The following STX1A variants were observed in gnomAD, a reference collection of about 807,000 sequenced individuals.
STX1A encodes the protein syntaxin 1A, also known as syntaxin-1A.
STX1A carries 4 observed loss-of-function variants against 37.8 expected under a neutral mutation model. That is an observed-to-expected ratio of 0.11 (90% CI 0.05 to 0.24). The LOEUF (loss-of-function observed/expected upper bound fraction) is 0.24, where lower values mean the gene tolerates loss of function less well. Ranked by LOEUF, STX1A falls within the 10% of genes least tolerant of loss-of-function variation. The pLI is 1.00. For missense variants in STX1A, 251 were observed against 399.9 expected (o/e 0.63, Z 3.18); for synonymous variants, 135 against 147.4 (o/e 0.92, Z 0.61).
chr7:73,719,610 G>C lies in STX1A; in HGVS notation c.22C>G (p.Leu8Val). 1 of 1,206,104 alleles carries C rather than the reference G, an allele frequency of 8.3e-7. No homozygotes were observed. The highest frequency in any genetic ancestry group is 1.0e-6 in the Non-Finnish European group (1 of 966,150). The allele number at this position is 1,206,104 out of a possible 1,614,324, so 74.7% of individuals were successfully genotyped here. The change falls in exon 1 of 10, where the codon CTC becomes GTC. Residue 8 changes from leucine (L) to valine (V), a missense_variant. By Grantham distance (32) the Leu-to-Val change is conservative. Transcript: ENST00000222812. Reference sequence around the variant, plus strand: ...GCTGGGGCCGGACTCACCGTGCGGAGCTCCTGGGTTCGGTCCTTCATGCTC... The same window carrying C: ...GCTGGGGCCGGACTCACCGTGCGGACCTCCTGGGTTCGGTCCTTCATGCTC... Reference protein sequence around the residue: MKDRTQELRTAKDSDDDD... With the variant: MKDRTQEVRTAKDSDDDD...
chr7:73,703,472 A>G (rs782010898), intron 7 of STX1A: 58 of 658,684 alleles, frequency 8.8e-5, no homozygotes, highest in South Asian at 8.7e-4. Flanking sequence ...AATGTCCTCC[A>G]GGAGAGGAAA....
At chr7:73,718,681 T>C (rs1346550899) in intron 1 of STX1A, among the ~76,000 whole-genome samples, 1 of 151,712 alleles carries the variant, frequency 6.6e-6, no homozygotes, top group African/African-American at 2.4e-5. Flanking sequence ...CCGGTCACCA[T>C]CCTCCTGGGC....
chr7:73,703,358 CCT>C (rs1189465464), intron 7 of STX1A: 5 of 568,922 alleles, frequency 8.8e-6, no homozygotes, highest in South Asian at 3.1e-5. Flanking sequence ...CTGCTCCTCC[CCT>C]CTCTCCTGGA....
chr7:73,704,514 C>G (rs966792516), intron 4 of STX1A, 91 bp from the exon 5 acceptor site: 10 of 1,492,234 alleles, frequency 6.7e-6, no homozygotes, highest in Admixed American at 5.4e-5. Flanking sequence ...CTTCCCACAT[C>G]CCCTAGGGTA....
intron 5 of STX1A, 47 bp from the exon 6 acceptor site, chr7:73,704,303 G>A: frequency 6.2e-7 from 1 of 1,613,756 alleles, no homozygotes; most frequent in Non-Finnish European, 8.5e-7. Context: ...TGCGGGGACC[G>A]ACCCAGAGAC....
chr7:73,708,209 A>T (rs1289652767), intron 3 of STX1A, among the ~76,000 whole-genome samples: 1 of 144,772 alleles, frequency 6.9e-6, no homozygotes, highest in African/African-American at 2.5e-5. Flanking sequence ...GGTGGCAGTG[A>T]GCTGAGATTG....
In STX1A at chr7:73,717,579, G is replaced by GACCCCACCTCACCTCA. The variant is rs1584260026; in HGVS notation, c.30+2022_30+2023insTGAGGTGAGGTGGGGT. On this transcript the variant is annotated intron_variant, in intron 1 of 9. Transcript: ENST00000222812. The surrounding 1 kb of genome is among the most constrained non-coding windows in gnomAD (Gnocchi z 4.1). Reference sequence around the variant, plus strand: ...GACTGTCTCACCCCACCCCGGGTGGGCTCCTGCCTGCCAGCCGTCCACCTG... The same window carrying GACCCCACCTCACCTCA: ...GACTGTCTCACCCCACCCCGGGTGGGACCCCACCTCACCTCACTCCTGCCTGCCAGCCGTCCACCTG... Among the ~76,000 whole-genome samples, 7 of 152,160 alleles carry GACCCCACCTCACCTCA rather than the reference G, an allele frequency of 4.6e-5. No homozygotes were observed. Among genetic ancestry groups the GACCCCACCTCACCTCA allele is most frequent in the East Asian group, 3.9e-4 (2 of 5,158 alleles).
At position 73,705,672 on chromosome 7, in the gene STX1A, A is replaced by C; in HGVS notation, c.209-448T>G. On this transcript the variant is annotated intron_variant, in intron 3 of 9. Transcript: ENST00000222812. This position sits in a 1 kb window ranked among gnomAD's most constrained non-coding sequence, Gnocchi z 5.2. ...CCAGGCAGGGGGTTGACAGGGGACCACCCCACACTCCCTGAGTCATATGCG... is the reference window on the plus strand; with the variant it reads ...CCAGGCAGGGGGTTGACAGGGGACCCCCCCACACTCCCTGAGTCATATGCG... The C allele has an allele frequency of 1.0e-5, 2 of 194,120 alleles. No homozygotes were observed. The highest frequency in any genetic ancestry group is 9.3e-5 in the South Asian group (1 of 10,798). 12.0% of individuals were successfully genotyped at this position (194,120 alleles called of 1,614,324 possible).
intron 1 of STX1A, chr7:73,711,302 G>T (rs1347891579): frequency 1.3e-5 from 2 of 152,572 alleles, no homozygotes; most frequent in Admixed American, 6.6e-5. Context: ...CCGCCACCAT[G>T]CCCGGCCTGA....
In STX1A at chr7:73,706,090, G is replaced by A. The variant is rs1462698167; in HGVS notation, c.209-866C>T. Among the ~76,000 whole-genome samples the A allele has an allele frequency of 2.0e-5, 3 of 152,146 alleles. 1 individual carries two copies. The highest frequency in any genetic ancestry group is 4.4e-5 in the Non-Finnish European group (3 of 68,004). ...GGACACCCCCAGGACTCTGCCCCGA[G>A]AGAAGCCGGGACTGAGCTCTGGCTA... On this transcript the variant is annotated intron_variant, in intron 3 of 9. Transcript: ENST00000222812. This position sits in a 1 kb window ranked among gnomAD's most constrained non-coding sequence, Gnocchi z 4.6.
rs1554615979 is a variant in STX1A, at chr7:73,702,122, T to C, written c.678+723A>G. ...CTGGGTCTTGCTGGGCTTGGGACCT[T>C]AGTGTTGCTGGGGCCAGCTCTTCAT... On this transcript the variant is annotated intron_variant, in intron 8 of 9. Coordinates refer to ENST00000222812, the MANE Select transcript of STX1A (RefSeq NM_004603.4). The surrounding 1 kb of genome is among the most constrained non-coding windows in gnomAD (Gnocchi z 4.7). Among the ~76,000 whole-genome samples the C allele has an allele frequency of 6.6e-6, 1 of 152,166 alleles. No individual in the cohort carries two copies. Among genetic ancestry groups the C allele is most frequent in the East Asian group, 1.9e-4 (1 of 5,188 alleles).
chr7:73,708,123 G>T (rs57138968), intron 3 of STX1A, among the ~76,000 whole-genome samples: 1,904 of 151,374 alleles, frequency 0.013, 40 homozygotes, highest in African/African-American at 0.045. Flanking sequence ...AATTAGCCGG[G>T]CATGGTGGCG....
chr7:73,701,726 T>C (rs1554615934), intron 8 of STX1A, among the ~76,000 whole-genome samples: 1 of 152,124 alleles, frequency 6.6e-6, no homozygotes, highest in Non-Finnish European at 1.5e-5. Flanking sequence ...TCTCACCAGA[T>C]GGCGGCAGCG....
Position 73,706,249 on chromosome 7 carries a change from G to A in STX1A, c.209-1025C>T, listed in dbSNP as rs1554616926. On this transcript the variant is annotated intron_variant, in intron 3 of 9. Coordinates refer to ENST00000222812, the MANE Select transcript of STX1A (RefSeq NM_004603.4). The surrounding 1 kb of genome is among the most constrained non-coding windows in gnomAD (Gnocchi z 4.6). ...CCTCCCAAGTGGAATGCAGTGAGGTGGAGCGGGGAAGGGGGGGTTCCGAGG... is the reference window on the plus strand; with the variant it reads ...CCTCCCAAGTGGAATGCAGTGAGGTAGAGCGGGGAAGGGGGGGTTCCGAGG... 6.6e-6 allele frequency among the ~76,000 whole-genome samples: 1 copy of A among 152,164 alleles called. No individual in the cohort carries two copies. The highest frequency in any genetic ancestry group is 1.5e-5 in the Non-Finnish European group (1 of 68,016).
chr7:73,701,326 A>C (rs1798646401), intron 8 of STX1A: 1 of 210,828 alleles, frequency 4.7e-6, no homozygotes, highest in Non-Finnish European at 9.5e-6. Context: ...GTTCGAGACC[A>C]TCCTGGCCAA....
chr7:73,715,020 T>C (rs1554618497), intron 1 of STX1A, among the ~76,000 whole-genome samples: 3 of 151,042 alleles, frequency 2.0e-5, no homozygotes, highest in Non-Finnish European at 4.4e-5. Context: ...AGCTACTCGG[T>C]AGGATGAGGC....
At chr7:73,710,567 A>G (rs1554617803) in intron 1 of STX1A, among the ~76,000 whole-genome samples, 1 of 152,210 alleles carries the variant, frequency 6.6e-6, no homozygotes, top group South Asian at 2.1e-4. Flanking sequence ...CTGGGATTAC[A>G]GGTGCATGCC....
In STX1A at chr7:73,708,275, A is replaced by G. The variant is rs551286550; in HGVS notation, c.208+314T>C. ...AAGACTCCATCTCAAAAAAAAAAAA[A>G]AAAAAAGAAAAAAAGAAAAAAAAGG... On this transcript the variant is annotated intron_variant, in intron 3 of 9. Transcript: ENST00000222812. Among the ~76,000 whole-genome samples the G allele has an allele frequency of 7.9e-3, 1,175 of 149,530 alleles. 21 individuals are homozygous for G. The highest frequency in any genetic ancestry group is 0.027 in the African/African-American group (1,094 of 39,940).
chr7:73,708,771 G>A, intron 2 of STX1A, 83 bp from the exon 3 acceptor site: 1 of 1,443,032 alleles, frequency 6.9e-7, no homozygotes, highest in Non-Finnish European at 9.5e-7. Context: ...GAGTAGGGCT[G>A]CGGTCAGGGC....
Sources: gnomAD v4.1 joint callset for allele counts (sites outside exome capture counted in the v4.1 genomes callset) on GRCh38, gnomAD v4.1.1 for gene constraint, Gnocchi (gnomAD v3.1) non-coding constraint, MANE v1.5 for transcripts, NCBI Gene and HGNC (gene_info 2026-07-23, HGNC 2026-07-21) for gene names.